The following MAP3K5 variants were observed in gnomAD, a reference collection of about 807,000 sequenced individuals.
MAP3K5 encodes ASK-1.
Under a neutral mutation model 158.7 loss-of-function variants are expected in MAP3K5, and 56 were observed. That is an observed-to-expected ratio of 0.35 (90% CI 0.28 to 0.44). MAP3K5 has a LOEUF of 0.44. Among genes scored for constraint, MAP3K5 ranks in the 20% least tolerant of loss-of-function variants. MAP3K5 has a pLI of 1.00. For missense variants in MAP3K5, 1,294 were observed against 1,674.8 expected (o/e 0.77, Z 3.97); for synonymous variants, 579 against 601.7 (o/e 0.96, Z 0.55).
intron 14 of MAP3K5, among the ~76,000 whole-genome samples, chr6:136,623,566 T>C: frequency 6.6e-6 from 1 of 152,200 alleles, no homozygotes; most frequent in East Asian, 1.9e-4. Context: ...ATCTCTGATG[T>C]AGAAAGGAAA....
chr6:136,604,605 GC>G (rs1169994451), intron 19 of MAP3K5, among the ~76,000 whole-genome samples: 3 of 152,024 alleles, frequency 2.0e-5, no homozygotes, highest in Non-Finnish European at 4.4e-5. Flanking sequence ...CAAAATGCTG[GC>G]ACTTGTGCTC....
chr6:136,758,018 C>G (rs1163731785), intron 1 of MAP3K5, among the ~76,000 whole-genome samples: 4 of 152,118 alleles, frequency 2.6e-5, no homozygotes, highest in Non-Finnish European at 5.9e-5. Flanking sequence ...AACTAAATAG[C>G]CTTTCTGTAA....
chr6:136,659,406 T>C, intron 8 of MAP3K5, 28 bp from the exon 9 acceptor site: 1 of 1,608,382 alleles, frequency 6.2e-7, no homozygotes, highest in South Asian at 1.1e-5. Context: ...AGTAGAATGT[T>C]ACAAATGCAC....
chr6:136,688,558 C>T (rs1274048975), intron 7 of MAP3K5, among the ~76,000 whole-genome samples: 1 of 152,090 alleles, frequency 6.6e-6, no homozygotes, highest in African/African-American at 2.4e-5. Context: ...ACACAAAGCT[C>T]TTTTGAGAGG....
intron 25 of MAP3K5, among the ~76,000 whole-genome samples, chr6:136,569,692 T>TG (rs1774277252): frequency 6.6e-6 from 1 of 152,196 alleles, no homozygotes; most frequent in Non-Finnish European, 1.5e-5. Flanking sequence ...CCAACTGCCC[T>TG]GGGTACATGT....
chr6:136,672,403 T>C (rs1348761533), intron 7 of MAP3K5, among the ~76,000 whole-genome samples: 2 of 152,212 alleles, frequency 1.3e-5, no homozygotes, highest in Non-Finnish European at 2.9e-5. Context: ...ACCCTGAGAT[T>C]AGGCTTGGGC....
chr6:136,727,812 A>AT (rs2114811326), intron 1 of MAP3K5, among the ~76,000 whole-genome samples: 1 of 151,492 alleles, frequency 6.6e-6, no homozygotes, highest in Non-Finnish European at 1.5e-5. Context: ...TACAAAAAAA[A>AT]TTAGCCGGGC....
intron 14 of MAP3K5, 137 bp from the exon 15 acceptor site, chr6:136,623,118 C>A (rs1037701135): frequency 1.3e-5 from 9 of 715,728 alleles, no homozygotes; most frequent in Non-Finnish European, 2.1e-5. Context: ...GAAGCAGCTT[C>A]AAGGATGAAC....
chr6:136,678,302 G>GA (rs948038842), intron 7 of MAP3K5, among the ~76,000 whole-genome samples: 2 of 151,700 alleles, frequency 1.3e-5, no homozygotes, highest in South Asian at 2.1e-4. Flanking sequence ...TATATTCTAA[G>GA]AAAAAAATGG....
At chr6:136,666,805 T>A (rs62422102) in intron 8 of MAP3K5, among the ~76,000 whole-genome samples, 1 of 152,296 alleles carries the variant, frequency 6.6e-6, no homozygotes, top group East Asian at 1.9e-4. Flanking sequence ...AGAATGCATA[T>A]CACAGTATTT....
intron 1 of MAP3K5, among the ~76,000 whole-genome samples, chr6:136,779,442 C>CCA (rs1784525006): frequency 9.9e-6 from 1 of 101,048 alleles, no homozygotes; most frequent in African/African-American, 3.9e-5. Flanking sequence ...CACCCTGTCT[C>CCA]AAAAAAAAAA....
intron 1 of MAP3K5, among the ~76,000 whole-genome samples, chr6:136,779,618 T>C (rs1784535523): frequency 6.6e-6 from 1 of 152,206 alleles, no homozygotes; most frequent in South Asian, 2.1e-4. Context: ...AGCAGTTTGC[T>C]AGCCCTCTAA....
At chr6:136,567,293 G>A (rs908142599) in intron 26 of MAP3K5, among the ~76,000 whole-genome samples, 2 of 152,142 alleles carry the variant, frequency 1.3e-5, no homozygotes, top group African/African-American at 4.8e-5. Context: ...AAAAACATGA[G>A]CTTTCTGTTC....
At chr6:136,623,424 T>C (rs1431121477) in intron 14 of MAP3K5, among the ~76,000 whole-genome samples, 1 of 152,210 alleles carries the variant, frequency 6.6e-6, no homozygotes, top group African/African-American at 2.4e-5. Flanking sequence ...CGAAAGGCTT[T>C]GGGTAAGAAG....
chr6:136,707,023 C>T (rs1781104063), intron 2 of MAP3K5, among the ~76,000 whole-genome samples: 1 of 152,102 alleles, frequency 6.6e-6, no homozygotes, highest in Non-Finnish European at 1.5e-5. Context: ...TGGCACACAC[C>T]TCACATCTAT....
chr6:136,642,035 T>TAAATAAAATAAAATAAAATA (rs1777986517), intron 12 of MAP3K5, among the ~76,000 whole-genome samples: 4 of 49,650 alleles, frequency 8.1e-5, no homozygotes, highest in Non-Finnish European at 1.5e-4. Context: ...AAAATAAAAA[T>TAAATAAAATAAAATAAAATA]AAAATAAAAT....
At position 136,558,828 on chromosome 6, in the gene MAP3K5, G is replaced by A. The variant is rs1830370564; in HGVS notation, c.4036C>T (p.Arg1346Cys). ...TLLDVLYYVT[R>C]DDLKCLRLRG... ...AGTCTCAAGCATTTTAAGTCATCAC[G>A]TGTAACATAGTAGAGAACATCCAAT... The change falls in exon 29 of 30, where the codon CGT becomes TGT. Residue 1346 changes from arginine to cysteine, a missense_variant. Around this residue, in one of 5 missense-constraint regions of MAP3K5, gnomAD observed 199 missense variants for 220.3 expected, o/e 0.90. Coordinates refer to ENST00000359015, the MANE Select transcript of MAP3K5 (RefSeq NM_005923.4). 3 of 1,604,466 alleles carry A rather than the reference G, an allele frequency of 1.9e-6. No individual in the cohort carries two copies. The highest frequency in any genetic ancestry group is 1.7e-5 in the Admixed American group (1 of 59,890).
intron 10 of MAP3K5, among the ~76,000 whole-genome samples, chr6:136,651,901 C>T (rs893223545): frequency 1.3e-5 from 2 of 152,036 alleles, no homozygotes; most frequent in African/African-American, 4.8e-5. Flanking sequence ...TCATTATCTA[C>T]TTGTATAGAT....
intron 3 of MAP3K5, among the ~76,000 whole-genome samples, chr6:136,701,166 T>C (rs530623473): frequency 6.6e-6 from 1 of 152,312 alleles, no homozygotes; most frequent in Admixed American, 6.5e-5. Context: ...AGATGGCATG[T>C]CCTTCCCACT....
Sources: allele counts gnomAD v4.1 joint callset (sites outside exome capture counted in the v4.1 genomes callset), GRCh38; gene constraint gnomAD v4.1.1; regional missense constraint gnomAD v4.1.1; transcripts MANE v1.5; gene names NCBI Gene and HGNC (gene_info 2026-07-23, HGNC 2026-07-21).